Variants in TUBB6 observed in about 807,000 individuals in gnomAD.
The protein encoded by TUBB6 is tubulin beta 6 class V.
A neutral mutation model predicts 32.3 loss-of-function variants in TUBB6; 18 were observed. The ratio of observed to expected loss-of-function variants is 0.56; its 90% CI spans 0.39 to 0.83. TUBB6 has a LOEUF of 0.83. Ranked by LOEUF, TUBB6 falls within the 40% of genes least tolerant of loss-of-function variation. The pLI is 0.00. For missense variants in TUBB6, 480 were observed against 632.0 expected, an observed-to-expected ratio of 0.76 and a Z score of 2.58; for synonymous variants, 280 against 265.8, an observed-to-expected ratio of 1.05 and a Z score of -0.52.
At position 12,322,298 on chromosome 18, in the gene TUBB6, AAAAT is replaced by A. The variant is rs573233728; in HGVS notation, c.278-2749_278-2746del. On this transcript the variant is annotated intron_variant, in intron 3 of 3. Coordinates refer to ENST00000317702, the MANE Select transcript of TUBB6 (RefSeq NM_032525.3). ...GGGCAACAGAGTGAGACTCCATCTC[AAAAT>A]AAATAAATAAATAAATAAACAAAAT... Among the ~76,000 whole-genome samples the A allele has an allele frequency of 1.6e-3, 249 of 152,156 alleles. 2 individuals are homozygous for A. The highest frequency in any genetic ancestry group is 8.5e-3 in the South Asian group (41 of 4,812).
rs11548179 is a variant in TUBB6, at chr18:12,325,170, C to T, written c.381C>T (p.Cys127=). The T allele has an allele frequency of 6.2e-6, 10 of 1,613,826 alleles. No individual in the cohort carries two copies. In the East Asian group the frequency reaches 8.9e-5, roughly 14 times the overall value. ...TGGTGCGGAAGGAGTGCGAGCACTG[C>T]GACTGCCTGCAGGGCTTCCAGCTCA... ...LDVVRKECEH[C]DCLQGFQLTH... is the part of the protein sequence containing the mutation. Residue 127 remains cysteine, a synonymous_variant, in exon 4 of 4, where the codon TGC becomes TGT. Transcript: ENST00000317702.
chr18:12,327,181 G>T (rs907424537), downstream of TUBB6, among the ~76,000 whole-genome samples: 1 of 152,130 alleles, frequency 6.6e-6, no homozygotes, highest in South Asian at 2.1e-4. Context: ...TGTCACCCCC[G>T]AGTGGAAGCG....
chr18:12,325,712 G>T lies in TUBB6; in HGVS notation c.923G>T (p.Gly308Val). 1 of 1,614,210 alleles carries T rather than the reference G, an allele frequency of 6.2e-7. No individual in the cohort carries two copies. Residue 308 changes from glycine (G) to valine (V), a missense_variant, in exon 4 of 4, where the codon GGC (glycine) becomes GTC (valine). Transcript: ENST00000317702. The stretch of plus-strand genomic sequence containing the variant: ...ATGGCCGCCTGCGATCCGCGCCATG[G>T]CCGCTACCTGACCGTGGCCACCGTG... The part of the protein sequence containing the change: ...NMMAACDPRH[G>V]RYLTVATVFR...
chr18:12,311,132 T>C (rs1053628665), intron 3 of TUBB6, 79 bp downstream of exon 3: 2 of 1,215,356 alleles, frequency 1.6e-6, no homozygotes, highest in Admixed American at 4.4e-5. Context: ...ATTTAAAGCA[T>C]CATGTGTCAT....
In TUBB6 at chr18:12,325,683, C is replaced by T; in HGVS notation, c.894C>T (p.Asn298=). The part of the protein sequence containing the change: ...ELTQQMFDAR[N]MMAACDPRHG... ...CCCAGCAGATGTTCGACGCCAGGAA[C>T]ATGATGGCCGCCTGCGATCCGCGCC... Residue 298 remains asparagine (N), a synonymous_variant, in exon 4 of 4, where the codon AAC becomes AAT. Transcript: ENST00000317702. The T allele has an allele frequency of 2.5e-6, 4 of 1,614,130 alleles. No homozygotes were observed. The highest frequency in any genetic ancestry group is 2.2e-5 in the East Asian group (1 of 44,882).
downstream of TUBB6, among the ~76,000 whole-genome samples, chr18:12,327,509 G>A (rs1397618239): frequency 1.3e-5 from 2 of 152,222 alleles, no homozygotes; most frequent in African/African-American, 2.4e-5. Context: ...ATGGCTTGAG[G>A]TGATCACAGA....
At chr18:12,328,181 G>A (rs970039532), downstream of TUBB6, among the ~76,000 whole-genome samples, 2 of 152,240 alleles carry the variant, frequency 1.3e-5, no homozygotes, top group African/African-American at 4.8e-5. Context: ...AGGCTGCTGG[G>A]AAGTAGCCAT....
rs781454401 is a variant in TUBB6 at position 12,308,837 on chromosome 18, C to G, written c.166+42C>G. The G allele has an allele frequency of 4.5e-6, 6 of 1,346,428 alleles. No individual in the cohort carries two copies. In the South Asian group the frequency reaches 4.7e-5, roughly 10 times the overall value. The allele number at this position is 1,346,428 out of a possible 1,614,324, so 83.4% of individuals were successfully genotyped here. A position where few individuals can be genotyped will look rare whatever the true frequency, so the allele number is the denominator to read the frequency against. On this transcript the variant is annotated intron_variant, in intron 2 of 3. Transcript: ENST00000317702. ...CCGCGCCCTGCCCGGCCGGGACCCG[C>G]GTGGACGCTCCGGCGCCGCCTCTTA... is the stretch of plus-strand genomic sequence containing the variant.
In TUBB6 at chr18:12,308,275, C is replaced by T. The variant is rs753593510; in HGVS notation, c.-18C>T. On this transcript the variant is annotated 5_prime_UTR_variant, in exon 1 of 4. Transcript: ENST00000317702. The stretch of plus-strand genomic sequence containing the variant: ...TGTCGTCCGCAGAGCCAGTTCCTAG[C>T]GCAGAGCCGCGCCCGCCATGAGGGA... The T allele has an allele frequency of 3.5e-6, 5 of 1,436,916 alleles. No homozygotes were observed. The highest frequency in any genetic ancestry group is 4.6e-6 in the Non-Finnish European group (5 of 1,089,534). 89.0% of individuals were successfully genotyped at this position (1,436,916 alleles called of 1,614,324 possible).
rs959371399 is a variant in TUBB6 at position 12,324,780 on chromosome 18, T to C, written c.278-287T>C. The C allele has an allele frequency of 3.1e-6, 4 of 1,295,030 alleles. No homozygotes were observed. In the African/African-American group the frequency reaches 6.0e-5, roughly 19 times the overall value. The allele number at this position is 1,295,030 out of a possible 1,614,324, so 80.2% of individuals were successfully genotyped here. The stretch of plus-strand genomic sequence containing the variant: ...ACTTATTTTTTTAATGTATACCTTT[T>C]GTTCCCTTTGAATTCTACCATGTGC... On this transcript the variant is annotated intron_variant, in intron 3 of 3. Coordinates refer to ENST00000317702, the MANE Select transcript of TUBB6 (RefSeq NM_032525.3).
rs185086471 is a variant in TUBB6 at position 12,310,208 on chromosome 18, G to A, written c.167-735G>A. Among the ~76,000 whole-genome samples the A allele has an allele frequency of 4.1e-4, 62 of 151,804 alleles. 1 individual carries two copies. In the East Asian group the frequency reaches 9.3e-3, roughly 23 times the overall value. ...TCTTTTTTTTAAGAGACAGGGTTTC[G>A]GCCAGGCACGGTGGCTCACCCCTGT... On this transcript the variant is annotated intron_variant, in intron 2 of 3. Transcript: ENST00000317702.
chr18:12,317,387 G>A (rs1906731848), intron 3 of TUBB6, among the ~76,000 whole-genome samples: 1 of 152,108 alleles, frequency 6.6e-6, no homozygotes, highest in African/African-American at 2.4e-5. Flanking sequence ...ACTTGAGCTA[G>A]GGAGGTTGAG....
chr18:12,320,850 A>G (rs181433156), intron 3 of TUBB6: 1 of 152,294 alleles, frequency 6.6e-6, no homozygotes, highest in East Asian at 1.9e-4. Flanking sequence ...AACTTACAGA[A>G]GTGTAATTGC....
intron 3 of TUBB6, among the ~76,000 whole-genome samples, chr18:12,312,978 A>C (rs1906468651): frequency 7.1e-6 from 1 of 141,214 alleles, no homozygotes; most frequent in Admixed American, 7.5e-5. Context: ...CAGCCTGGGC[A>C]ACAAGAGTGA....
chr18:12,311,411 C>T (rs1906376730), intron 3 of TUBB6, among the ~76,000 whole-genome samples: 1 of 152,140 alleles, frequency 6.6e-6, no homozygotes, highest in South Asian at 2.1e-4. Context: ...TCCTGGCTGA[C>T]ACGGTGAAAC....
At position 12,325,141 on chromosome 18, in the gene TUBB6, G is replaced by C; in HGVS notation, c.352G>C (p.Asp118His). The C allele has an allele frequency of 6.2e-7, 1 of 1,612,008 alleles. No homozygotes were observed. The highest frequency in any genetic ancestry group is 1.1e-5 in the South Asian group (1 of 90,772). The change falls in exon 4 of 4, where the codon GAC becomes CAC. Residue 118 changes from aspartate to histidine, a missense_variant. Coordinates refer to ENST00000317702, the MANE Select transcript of TUBB6 (RefSeq NM_032525.3). ...CGCGGAGCTGGTGGACGCAGTGCTG[G>C]ACGTGGTGCGGAAGGAGTGCGAGCA... ...EGAELVDAVL[D>H]VVRKECEHCD...
intron 3 of TUBB6, among the ~76,000 whole-genome samples, chr18:12,324,091 C>T (rs1568126212): frequency 6.6e-6 from 1 of 152,092 alleles, no homozygotes; most frequent in African/African-American, 2.4e-5. Flanking sequence ...ATACTTGGGC[C>T]GGGCGCCGTG....
intron 2 of TUBB6, among the ~76,000 whole-genome samples, chr18:12,309,318 A>T (rs1306832285): frequency 1.3e-5 from 2 of 148,346 alleles, no homozygotes; most frequent in East Asian, 4.0e-4. Flanking sequence ...GCGCCACTGC[A>T]CTCCAGCCTG....
chr18:12,308,912 C>A, intron 2 of TUBB6, 117 bp downstream of exon 2: 1 of 680,344 alleles, frequency 1.5e-6, no homozygotes, highest in Non-Finnish European at 2.7e-6. Flanking sequence ...TAGCAGGATG[C>A]CCGGCCACTC....
Sources: gnomAD v4.1 joint callset for allele counts (sites outside exome capture counted in the v4.1 genomes callset) on GRCh38, gnomAD v4.1.1 for gene constraint, MANE v1.5 for transcripts, NCBI Gene and HGNC (gene_info 2026-07-23, HGNC 2026-07-21) for gene names.